Variants in NYAP2 observed in about 807,000 individuals in gnomAD.
NYAP2 encodes neuronal tyrosine-phosphorylated phosphoinositide-3-kinase adapter 2.
In NYAP2, 23 loss-of-function variants were observed where a neutral mutation model predicts 50.4. The observed-to-expected ratio is 0.46, with a 90% CI of 0.33 to 0.65. The LOEUF (loss-of-function observed/expected upper bound fraction) is 0.65, where lower values mean the gene tolerates loss of function less well. NYAP2 is among the 30% of genes least tolerant of loss of function. The pLI is 0.02. For missense variants in NYAP2, 885 were observed against 861.0 expected (o/e 1.03, Z -0.35); for synonymous variants, 394 against 365.2 (o/e 1.08, Z -0.90).
chr2:225,649,619 A>G (rs527491067), intron 6 of NYAP2, among the ~76,000 whole-genome samples: 1 of 152,268 alleles, frequency 6.6e-6, no homozygotes, highest in South Asian at 2.1e-4. Flanking sequence ...ATCCACCCGC[A>G]TCAGCCCCAC....
At chr2:225,697,849 G>A in the NYAP2 span, among the ~76,000 whole-genome samples, 1 of 151,676 alleles carries the variant, frequency 6.6e-6, no homozygotes, top group Non-Finnish European at 1.5e-5. Context: ...TTTTATTTTT[G>A]TTTTGTAAGA....
chr2:225,531,440 A>G (rs954402472), intron 4 of NYAP2, among the ~76,000 whole-genome samples: 3 of 152,206 alleles, frequency 2.0e-5, no homozygotes, highest in African/African-American at 7.2e-5. Flanking sequence ...ATATCTGCTA[A>G]TATATTTTAT....
At chr2:225,597,689 C>A (rs1692629958) in intron 5 of NYAP2, among the ~76,000 whole-genome samples, 1 of 150,284 alleles carries the variant, frequency 6.7e-6, no homozygotes, top group East Asian at 2.0e-4. Flanking sequence ...AGTGGGAATG[C>A]TGGATCAAAT....
the NYAP2 span, among the ~76,000 whole-genome samples, chr2:225,674,992 A>G: frequency 6.6e-6 from 1 of 152,142 alleles, no homozygotes; most frequent in Non-Finnish European, 1.5e-5. Context: ...GAAATTCTTA[A>G]TATCTATAGT....
rs529874270 is a variant in NYAP2, at chr2:225,409,786, A to G, written c.221+685A>G. Among the ~76,000 whole-genome samples the G allele has an allele frequency of 5.3e-5, 8 of 152,220 alleles. No individual in the cohort carries two copies. The South Asian group carries it at 1.0e-3, about 20-fold the overall frequency. ...CATATCTTTTGATTTTTTAAAAAGA[A>G]TGTTACAATGTTTTCAGTTTGCCTG... is the stretch of plus-strand genomic sequence containing the variant. On this transcript the variant is annotated intron_variant, in intron 3 of 6. Transcript: ENST00000636099.
chr2:225,589,834 T>C (rs1260809050), intron 5 of NYAP2, among the ~76,000 whole-genome samples: 1 of 151,498 alleles, frequency 6.6e-6, no homozygotes, highest in African/African-American at 2.4e-5. Context: ...AAAGGGAAGG[T>C]TGGAGGAGGG....
At chr2:225,701,659 G>A in the NYAP2 span, 1 of 151,132 alleles carries the variant, frequency 6.6e-6, no homozygotes, top group East Asian at 2.0e-4. Context: ...ATGGATTTAT[G>A]TAAATGAAGG....
downstream of NYAP2, among the ~76,000 whole-genome samples, chr2:225,657,841 G>A (rs1693852774): frequency 6.6e-6 from 1 of 152,142 alleles, no homozygotes; most frequent in Non-Finnish European, 1.5e-5. Flanking sequence ...AGGTTTTACA[G>A]TCCACAGGAG....
intron 3 of NYAP2, among the ~76,000 whole-genome samples, chr2:225,488,988 C>T (rs926722714): frequency 1.3e-4 from 20 of 152,110 alleles, no homozygotes; most frequent in African/African-American, 7.2e-5. Flanking sequence ...CACAGCTTTG[C>T]TAAGAATCCA....
intron 5 of NYAP2, among the ~76,000 whole-genome samples, chr2:225,586,859 T>C (rs1439260183): frequency 3.3e-5 from 5 of 152,188 alleles, no homozygotes; most frequent in Non-Finnish European, 5.9e-5. Context: ...TATCAGTCCA[T>C]TTTCACTCTG....
intron 3 of NYAP2, among the ~76,000 whole-genome samples, chr2:225,479,951 A>G (rs939999084): frequency 1.3e-5 from 2 of 152,050 alleles, no homozygotes; most frequent in Admixed American, 6.6e-5. Context: ...CCAAAGGTGA[A>G]TATATATTAA....
At chr2:225,526,427 C>T (rs1691153406) in intron 4 of NYAP2, among the ~76,000 whole-genome samples, 1 of 152,172 alleles carries the variant, frequency 6.6e-6, no homozygotes, top group Non-Finnish European at 1.5e-5. Context: ...GCAGTGACTT[C>T]CCAAATGTCC....
At position 225,627,142 on chromosome 2, in the gene NYAP2, A is replaced by G. The variant is rs751398179; in HGVS notation, c.1828+16A>G. On this transcript the variant is annotated intron_variant, in intron 6 of 6. Coordinates refer to ENST00000636099, the Ensembl canonical transcript of NYAP2. ...CACAGTTCAGGTAAGGCAGATTATG[A>G]TCTTCCAGAAGGTAATTCCTCCTGT... 3.9e-6 allele frequency: 6 copies of G among 1,553,998 alleles called. No homozygotes were observed. Among genetic ancestry groups the G allele is most frequent in the Non-Finnish European group, 5.2e-6 (6 of 1,143,964 alleles).
intron 6 of NYAP2, among the ~76,000 whole-genome samples, chr2:225,648,740 T>G (rs940761520): frequency 2.0e-5 from 3 of 152,128 alleles, no homozygotes; most frequent in African/African-American, 7.2e-5. Flanking sequence ...GGAACTTGGT[T>G]TGCATCCTGA....
chr2:225,517,592 C>G (rs149046409), intron 4 of NYAP2, among the ~76,000 whole-genome samples: 81 of 152,242 alleles, frequency 5.3e-4, no homozygotes, highest in African/African-American at 1.9e-3. Context: ...GATCCTGCAT[C>G]CCTCACAGCT....
chr2:225,569,285 A>C (rs1313822927), intron 4 of NYAP2, among the ~76,000 whole-genome samples: 1 of 152,186 alleles, frequency 6.6e-6, no homozygotes, highest in East Asian at 1.9e-4. Flanking sequence ...TTCTTTTTGC[A>C]ATATGATTTA....
chr2:225,663,130 G>C, the NYAP2 span, among the ~76,000 whole-genome samples: 2 of 152,264 alleles, frequency 1.3e-5, 1 homozygote, highest in Middle Eastern at 6.8e-3. Flanking sequence ...AGCATGCATG[G>C]AGCACTAGGG....
chr2:225,695,730 T>G, the NYAP2 span, among the ~76,000 whole-genome samples: 4 of 151,986 alleles, frequency 2.6e-5, no homozygotes, highest in Admixed American at 6.6e-5. Context: ...TATGAAATAT[T>G]GTAAGTCTTT....
chr2:225,576,993 A>G (rs572234601), intron 4 of NYAP2, among the ~76,000 whole-genome samples: 3 of 149,980 alleles, frequency 2.0e-5, no homozygotes, highest in African/African-American at 7.4e-5. Flanking sequence ...ACACCTACAG[A>G]TACTAAAGCA....
Sources: allele counts gnomAD v4.1 joint callset (sites outside exome capture counted in the v4.1 genomes callset), GRCh38; gene constraint gnomAD v4.1.1; transcripts MANE v1.5; gene names NCBI Gene and HGNC (gene_info 2026-07-23, HGNC 2026-07-21).